The following GMPPA variants were observed in gnomAD, a reference collection of about 807,000 sequenced individuals.
The protein encoded by GMPPA is mannose-1-phosphate guanylyltransferase regulatory subunit alpha.
In GMPPA, 46 loss-of-function variants were observed where a neutral mutation model predicts 58.6. The ratio of observed to expected loss-of-function variants is 0.78; its 90% CI spans 0.62 to 1.00. The LOEUF is 1.00. Ranked by LOEUF, GMPPA falls within the 50% of genes least tolerant of loss-of-function variation. The pLI is 0.00. For missense variants in GMPPA, 468 were observed against 556.4 expected (o/e 0.84, Z 1.60); for synonymous variants, 211 against 214.9 (o/e 0.98, Z 0.16).
chr2:219,501,624 G>A (rs1694395143), intron 4 of GMPPA, 45 bp downstream of exon 4: 1 of 1,223,600 alleles, frequency 8.2e-7, no homozygotes, highest in African/African-American at 1.5e-5. Flanking sequence ...GGATGCCCTA[G>A]GCCTCTGAGT....
rs757789454 is a variant in GMPPA, at chr2:219,502,003, G to T, written c.395G>T (p.Arg132Leu). The T allele has an allele frequency of 6.2e-7, 1 of 1,614,218 alleles. No homozygotes were observed. The highest frequency in any genetic ancestry group is 8.5e-7 in the Non-Finnish European group (1 of 1,180,050). ...AGTGCTATGTTGGAAGCCCACCGAC[G>T]CCAGCGTCACCCTTTCTTACTCCTT... Reference protein sequence around the residue: ...PLSAMLEAHRRQRHPFLLLGT... With the variant: ...PLSAMLEAHRLQRHPFLLLGT... The change falls in exon 5 of 13, where the codon CGC becomes CTC. Residue 132 changes from arginine (R) to leucine (L), a missense_variant. Coordinates refer to ENST00000313597, the MANE Select transcript of GMPPA (RefSeq NM_013335.4). This position sits in a 1 kb window ranked among gnomAD's most constrained non-coding sequence, Gnocchi z 4.0.
Position 219,506,397 on chromosome 2 carries a change from G to T in GMPPA, c.1137G>T (p.Lys379Asn), listed in dbSNP as rs188765261. 2.3e-4 allele frequency: 370 copies of T among 1,613,100 alleles called. No homozygotes were observed. The Admixed American group carries it at 2.3e-3, about 10-fold the overall frequency. ...GTGAGAGCCTCTTCAAGGACGGGAA[G>T]CTGCTGCCTGCTATCACCATCCTGG... ...MDSESLFKDG[K>N]LLPAITILGC... Residue 379 changes from lysine (K) to asparagine (N), a missense_variant, in exon 12 of 13, where the codon AAG becomes AAT. Transcript: ENST00000313597.
chr2:219,501,594 A>C lies in GMPPA; in HGVS notation c.242+15A>C. The C allele has an allele frequency of 6.8e-7, 1 of 1,481,402 alleles. No homozygotes were observed. The highest frequency in any genetic ancestry group is 9.4e-7 in the Non-Finnish European group (1 of 1,058,854). The allele number at this position is 1,481,402 out of a possible 1,614,324, so 91.8% of individuals were successfully genotyped here. On this transcript the variant is annotated intron_variant, in intron 4 of 12. Coordinates refer to ENST00000313597, the MANE Select transcript of GMPPA (RefSeq NM_013335.4). Reference sequence around the variant, plus strand: ...CTTCCAGTCAGGTGTTTGTGCACACACTCGTATATGGGGGGGTGGGGATGC... The same window carrying C: ...CTTCCAGTCAGGTGTTTGTGCACACCCTCGTATATGGGGGGGTGGGGATGC...
intron 3 of GMPPA, chr2:219,500,962 G>A (rs372951581): frequency 2.4e-4 from 37 of 156,082 alleles, no homozygotes; most frequent in African/African-American, 8.7e-4. Context: ...GCTCATGTCT[G>A]TAATCCCAAC....
chr2:219,506,880 ACCAGAGAAAGC>A lies in GMPPA; in HGVS notation c.*84_*94del. ...CTTGGCCAGCCTCTGTCCAGAAAGG[ACCAGAGAAAGC>A]CAGGCTGGATCGTCACATGCCGGGG... is the stretch of plus-strand genomic sequence containing the variant. On this transcript the variant is annotated 3_prime_UTR_variant, in exon 13 of 13. Transcript: ENST00000313597. 1.3e-6 allele frequency: 1 copy of A among 745,482 alleles called. No individual in the cohort carries two copies. The highest frequency in any genetic ancestry group is 2.4e-6 in the Non-Finnish European group (1 of 411,252). 46.2% of individuals were successfully genotyped at this position (745,482 alleles called of 1,614,324 possible).
At chr2:219,504,333 C>T in intron 7 of GMPPA, 120 bp downstream of exon 7, 1 of 900,810 alleles carries the variant, frequency 1.1e-6, no homozygotes, top group Non-Finnish European at 1.7e-6. Flanking sequence ...CTCCCTTCTC[C>T]ACTTGCCATC....
Position 219,502,955 on chromosome 2 carries a change from T to G in GMPPA, c.489+514T>G, listed in dbSNP as rs1027560377. Among the ~76,000 whole-genome samples the G allele has an allele frequency of 6.6e-6, 1 of 152,154 alleles. No individual in the cohort carries two copies. The highest frequency in any genetic ancestry group is 1.5e-5 in the Non-Finnish European group (1 of 68,014). On this transcript the variant is annotated intron_variant, in intron 6 of 12. Coordinates refer to ENST00000313597, the MANE Select transcript of GMPPA (RefSeq NM_013335.4). This position sits in a 1 kb window ranked among gnomAD's most constrained non-coding sequence, Gnocchi z 4.0. ...CACATAACCCTCCCTCCTTTATTTA[T>G]TTATGTATGTATGTGTTTATTTATT... is the stretch of plus-strand genomic sequence containing the variant.
At position 219,499,985 on chromosome 2, in the gene GMPPA, G is replaced by T. The variant is rs778512343; in HGVS notation, c.10G>T (p.Ala4Ser). 1.9e-6 allele frequency: 3 copies of T among 1,613,766 alleles called. No individual in the cohort carries two copies. The African/African-American group carries it at 4.0e-5, about 22-fold the overall frequency. MLK[A>S]VILIGGPQKG... ...GGTAGCAGTCACCATTATGCTCAAA[G>T]CGGTGATCCTGATTGGAGGCCCTCA... The change falls in exon 2 of 13, where the codon GCG (alanine) becomes TCG (serine). Residue 4 changes from alanine to serine, a missense_variant. Ala to Ser is a moderately conservative substitution (Grantham distance 99). Transcript: ENST00000313597.
Position 219,502,525 on chromosome 2 carries a change from G to A in GMPPA, c.489+84G>A, listed in dbSNP as rs1694438070. ...CAGGCCTCTAGAGAATGCTGGCACA[G>A]TATGGGGTGGGCTCTAGTCTTGTCA... On this transcript the variant is annotated intron_variant, in intron 6 of 12. Transcript: ENST00000313597. This position sits in a 1 kb window ranked among gnomAD's most constrained non-coding sequence, Gnocchi z 4.0. The A allele has an allele frequency of 3.9e-6, 4 of 1,033,428 alleles. No individual in the cohort carries two copies. Among genetic ancestry groups the A allele is most frequent in the Admixed American group, 1.9e-5 (1 of 53,598 alleles). The allele number at this position is 1,033,428 out of a possible 1,614,324, so 64.0% of individuals were successfully genotyped here.
Position 219,500,537 on chromosome 2 carries a change from A to C in GMPPA, c.138+319A>C, listed in dbSNP as rs563459633. 4.6e-5 allele frequency: 18 copies of C among 390,214 alleles called. No individual in the cohort carries two copies. In the South Asian group the frequency reaches 5.9e-4, roughly 13 times the overall value. The allele number at this position is 390,214 out of a possible 1,614,324, so 24.2% of individuals were successfully genotyped here. On this transcript the variant is annotated intron_variant, in intron 3 of 12. Coordinates refer to ENST00000313597, the MANE Select transcript of GMPPA (RefSeq NM_013335.4). ...CTTAATGATAACCAAGCACAAATTC[A>C]TATCCTTGATCACATTGTTGCTCAT... is the stretch of plus-strand genomic sequence containing the variant.
Position 219,502,588 on chromosome 2 carries a change from C to T in GMPPA, c.489+147C>T, listed in dbSNP as rs991087175. The T allele has an allele frequency of 1.8e-5, 11 of 615,484 alleles. No homozygotes were observed. Among genetic ancestry groups the T allele is most frequent in the African/African-American group, 1.7e-4 (9 of 53,482 alleles). The allele number at this position is 615,484 out of a possible 1,614,324, so 38.1% of individuals were successfully genotyped here. A position where few individuals can be genotyped will look rare whatever the true frequency, so the allele number is the denominator to read the frequency against. On this transcript the variant is annotated intron_variant, in intron 6 of 12. Coordinates refer to ENST00000313597, the MANE Select transcript of GMPPA (RefSeq NM_013335.4). The surrounding 1 kb of genome is among the most constrained non-coding windows in gnomAD (Gnocchi z 4.0). ...ACTCCCGATTAATCATCTTATATCC[C>T]TTTAAGAGAGATTGACCAGGGGGAG...
At position 219,506,069 on chromosome 2, in the gene GMPPA, G is replaced by A; in HGVS notation, c.990G>A (p.Leu330=). 6.3e-7 allele frequency: 1 copy of A among 1,579,464 alleles called. No individual in the cohort carries two copies. Among genetic ancestry groups the A allele is most frequent in the Non-Finnish European group, 8.6e-7 (1 of 1,156,486 alleles). ...RESIVLHGAT[L]QEHTCVLHSI... ...GCATCGTCCTCCATGGAGCCACTTTGCAGGTAGGTACCAGCATACACAGCA... is the reference window on the plus strand; with the variant it reads ...GCATCGTCCTCCATGGAGCCACTTTACAGGTAGGTACCAGCATACACAGCA... The change falls in exon 11 of 13, where the codon TTG becomes TTA. Residue 330 remains leucine, a synonymous_variant. Transcript: ENST00000313597.
Position 219,504,226 on chromosome 2 carries a change from C to G in GMPPA, c.620+13C>G, listed in dbSNP as rs766430658. The G allele has an allele frequency of 7.4e-6, 12 of 1,613,210 alleles. No individual in the cohort carries two copies. The East Asian group carries it at 2.2e-4, about 30-fold the overall frequency. ...AGGATGGGCAATTGTGAGGCAGGCC[C>G]CATAGCCCTGTGACCCCAAGTACCC... On this transcript the variant is annotated intron_variant, in intron 7 of 12. Transcript: ENST00000313597.
chr2:219,504,936 A>T, intron 7 of GMPPA: 1 of 1,026,756 alleles, frequency 9.7e-7, no homozygotes, highest in Non-Finnish European at 1.3e-6. Flanking sequence ...AAAGGGCTGA[A>T]TGGGGATGAG....
At chr2:219,503,996 G>A in intron 6 of GMPPA, 87 bp from the exon 7 acceptor site, 1 of 1,477,030 alleles carries the variant, frequency 6.8e-7, no homozygotes, top group Admixed American at 1.8e-5. Context: ...AGGGAGGAGA[G>A]GCAAGAAGGG....
At chr2:219,501,325 C>G (rs1271165311) in intron 3 of GMPPA, 151 bp from the exon 4 acceptor site, 1 of 649,810 alleles carries the variant, frequency 1.5e-6, no homozygotes, top group Non-Finnish European at 2.8e-6. Context: ...CCTCATTGTC[C>G]AGAGGAGAAA....
chr2:219,500,087 G>A, intron 2 of GMPPA, 34 bp from the exon 3 acceptor site: 1 of 1,601,650 alleles, frequency 6.2e-7, no homozygotes, highest in Non-Finnish European at 8.6e-7. Flanking sequence ...GAGGAAGGCA[G>A]GAGGCCGAAA....
In GMPPA at chr2:219,505,976, A is replaced by G; in HGVS notation, c.901-4A>G. 1 of 1,562,196 alleles carries G rather than the reference A, an allele frequency of 6.4e-7. No homozygotes were observed. The highest frequency in any genetic ancestry group is 1.4e-5 in the African/African-American group (1 of 73,838). Reference sequence around the variant, plus strand: ...GGGCTTATGGTGTGTGCTTCTCTCCACAGCTGGGCCCCAACGTCTCCATCG... The same window carrying G: ...GGGCTTATGGTGTGTGCTTCTCTCCGCAGCTGGGCCCCAACGTCTCCATCG... On this transcript the variant is annotated splice_polypyrimidine_tract_variant and splice_region_variant and intron_variant, in intron 10 of 12. Transcript: ENST00000313597.
intron 4 of GMPPA, 96 bp from the exon 5 acceptor site, chr2:219,501,755 G>A (rs774452238): frequency 1.7e-4 from 187 of 1,087,728 alleles, no homozygotes; most frequent in Non-Finnish European, 2.4e-4. Context: ...TTGGGCAGGA[G>A]TAGTCCTGGG....
Sources: allele counts gnomAD v4.1 joint callset (sites outside exome capture counted in the v4.1 genomes callset), GRCh38; gene constraint gnomAD v4.1.1; non-coding constraint Gnocchi (gnomAD v3.1); transcripts MANE v1.5; gene names NCBI Gene and HGNC (gene_info 2026-07-23, HGNC 2026-07-21).